Variants in PAK1 observed in about 807,000 individuals in gnomAD.
PAK1 encodes p21 (RAC1) activated kinase 1, also known as serine/threonine-protein kinase PAK 1.
In PAK1, 29 loss-of-function variants were observed where a neutral mutation model predicts 67.4. The ratio of observed to expected loss-of-function variants is 0.43; its 90% CI spans 0.32 to 0.59. PAK1 has a LOEUF of 0.59. Ranked by LOEUF, PAK1 falls within the 20% of genes least tolerant of loss-of-function variation. PAK1 has a pLI of 0.07. For synonymous variants in PAK1, 223 were observed against 237.4 expected (o/e 0.94, Z 0.56); for missense variants, 337 against 670.7 (o/e 0.50, Z 5.50).
At chr11:77,432,547 A>C (rs1050862612) in intron 1 of PAK1, among the ~76,000 whole-genome samples, 2 of 152,222 alleles carry the variant, frequency 1.3e-5, no homozygotes, top group African/African-American at 4.8e-5. Flanking sequence ...AGTCTCAGCT[A>C]ATCAGGAGGC....
chr11:77,527,235 T>C, the PAK1 span, among the ~76,000 whole-genome samples: 8 of 152,070 alleles, frequency 5.3e-5, no homozygotes, highest in Non-Finnish European at 1.0e-4. Context: ...CCTGAGTAGC[T>C]GGGATGACAG....
chr11:77,481,890 A>G, the PAK1 span, among the ~76,000 whole-genome samples: 3 of 152,156 alleles, frequency 2.0e-5, no homozygotes, highest in Admixed American at 1.3e-4. Context: ...AGCTTGGAAC[A>G]GTGCTGTACT....
Position 77,332,862 on chromosome 11 carries a change from CA to C in PAK1, c.1418del (p.Leu473CysfsTer26). ...GGGTCCCATTGGTGGCAATGAGGTA[CA>C]AGGCCTGGCAATAAAAATGGTGAAT... is the stretch of plus-strand genomic sequence containing the variant. ...PYLNENPLRA[L>X]YLIATNGTPE... is the part of the protein sequence containing the mutation. On this transcript the variant is annotated frameshift_variant, in exon 14 of 15. Coordinates refer to ENST00000356341, the MANE Select transcript of PAK1 (RefSeq NM_002576.5). LOFTEE classifies it high-confidence loss of function. 6.2e-7 allele frequency: 1 copy of C among 1,613,676 alleles called. No homozygotes were observed. The highest frequency in any genetic ancestry group is 8.5e-7 in the Non-Finnish European group (1 of 1,179,600).
chr11:77,415,741 C>T (rs1313141037), intron 1 of PAK1, among the ~76,000 whole-genome samples: 2 of 152,072 alleles, frequency 1.3e-5, no homozygotes, highest in Non-Finnish European at 2.9e-5. Flanking sequence ...TAGTATTGTA[C>T]ACTACTGTAG....
intron 1 of PAK1, among the ~76,000 whole-genome samples, chr11:77,441,818 T>G (rs1288272259): frequency 1.3e-5 from 2 of 152,224 alleles, no homozygotes; most frequent in African/African-American, 2.4e-5. Context: ...ATGCACAGTT[T>G]CATCAGCTAA....
At chr11:77,340,863 G>A (rs781182740) in intron 10 of PAK1, 100 bp from the exon 11 acceptor site, 76 of 744,378 alleles carry the variant, frequency 1.0e-4, no homozygotes, top group Non-Finnish European at 1.6e-4. Flanking sequence ...GTGAAACTAC[G>A]TCTTAGCACA....
intron 14 of PAK1, among the ~76,000 whole-genome samples, chr11:77,328,287 A>C (rs538982700): frequency 6.6e-6 from 1 of 152,342 alleles, no homozygotes; most frequent in African/African-American, 2.4e-5. Context: ...AAGAGGACCT[A>C]ATAGACATCT....
intron 5 of PAK1, among the ~76,000 whole-genome samples, chr11:77,361,819 A>T (rs746909471): frequency 9.2e-5 from 14 of 152,144 alleles, no homozygotes; most frequent in Non-Finnish European, 1.5e-4. Flanking sequence ...ATGTTGTATG[A>T]ATAGCACTTT....
the PAK1 span, among the ~76,000 whole-genome samples, chr11:77,513,302 A>G: frequency 2.0e-4 from 30 of 152,322 alleles, no homozygotes; most frequent in African/African-American, 7.2e-4. Context: ...GAGGAAGTAT[A>G]CAGGTATATC....
intron 5 of PAK1, among the ~76,000 whole-genome samples, chr11:77,360,183 G>A (rs1404100708): frequency 6.6e-6 from 1 of 152,140 alleles, no homozygotes; most frequent in Admixed American, 6.6e-5. Flanking sequence ...GTGGGAGACT[G>A]TCTTTTACCA....
chr11:77,410,816 T>C (rs1193745656), intron 1 of PAK1, among the ~76,000 whole-genome samples: 1 of 152,000 alleles, frequency 6.6e-6, no homozygotes, highest in South Asian at 2.1e-4. Flanking sequence ...AGTAGGTTAT[T>C]ATCGGGCCTG....
chr11:77,474,604 G>C (rs557046432), upstream of PAK1: 2 of 152,226 alleles, frequency 1.3e-5, no homozygotes, highest in African/African-American at 4.8e-5. Flanking sequence ...TCGTTGTCAA[G>C]GGCTGAATTT....
In PAK1 at chr11:77,355,683, T is replaced by C; in HGVS notation, c.757A>G (p.Ile253Val). The C allele has an allele frequency of 6.2e-7, 1 of 1,613,066 alleles. No homozygotes were observed. ...KKKPKMSDEE[I>V]LEKLRSIVSV... is the part of the protein sequence containing the mutation. ...AATTCCTTACGTAATTTCTCCAAGATCTCCTCATCAGACATTTTAGGCTTC... is the reference window on the plus strand; with the variant it reads ...AATTCCTTACGTAATTTCTCCAAGACCTCCTCATCAGACATTTTAGGCTTC... Residue 253 changes from isoleucine to valine, a missense_variant, in exon 7 of 15, where the codon ATC (isoleucine) becomes GTC (valine). Ile to Val is a conservative substitution (Grantham distance 29). This residue lies in a region of PAK1 where 150 missense variants were observed against 179.0 expected (regional missense o/e 0.84). Coordinates refer to ENST00000356341, the MANE Select transcript of PAK1 (RefSeq NM_002576.5).
At chr11:77,408,569 A>ACACT (rs1954006526) in intron 1 of PAK1, among the ~76,000 whole-genome samples, 1 of 149,166 alleles carries the variant, frequency 6.7e-6, no homozygotes, top group South Asian at 2.1e-4. Context: ...ACACACACAC[A>ACACT]CTCCACATTC....
At chr11:77,397,933 T>A in intron 1 of PAK1, among the ~76,000 whole-genome samples, 1 of 152,244 alleles carries the variant, frequency 6.6e-6, no homozygotes, top group East Asian at 1.9e-4. Context: ...ATAGAAATTT[T>A]ACTTATCCTT....
At chr11:77,467,795 T>C (rs891674674) in intron 1 of PAK1, among the ~76,000 whole-genome samples, 1 of 152,258 alleles carries the variant, frequency 6.6e-6, no homozygotes, top group African/African-American at 2.4e-5. Context: ...AGGTATTATT[T>C]CTTTCAAATG....
the PAK1 span, among the ~76,000 whole-genome samples, chr11:77,516,168 G>A: frequency 6.6e-6 from 1 of 152,214 alleles, no homozygotes; most frequent in Non-Finnish European, 1.5e-5. Flanking sequence ...GACTTAATGT[G>A]TTAAGGCAGA....
At position 77,333,369 on chromosome 11, in the gene PAK1, C is replaced by T. The variant is rs138736720; in HGVS notation, c.1414-502G>A. ...CCAGCCACTACACCCGACTGCTTTT[C>T]GTATTTTCAGTAGAGACGGGGTTTT... On this transcript the variant is annotated intron_variant, in intron 13 of 14. Coordinates refer to ENST00000356341, the MANE Select transcript of PAK1 (RefSeq NM_002576.5). Among the ~76,000 whole-genome samples, 28 of 151,980 alleles carry T rather than the reference C, an allele frequency of 1.8e-4. No individual in the cohort carries two copies. The East Asian group carries it at 4.6e-3, about 25-fold the overall frequency.
the PAK1 span, among the ~76,000 whole-genome samples, chr11:77,516,607 G>A: frequency 6.6e-6 from 1 of 152,060 alleles, no homozygotes; most frequent in Non-Finnish European, 1.5e-5. Flanking sequence ...TCTCCAGGGT[G>A]GTCAAGTGAC....
Sources: allele counts gnomAD v4.1 joint callset (sites outside exome capture counted in the v4.1 genomes callset), GRCh38; gene constraint gnomAD v4.1.1; regional missense constraint gnomAD v4.1.1; transcripts MANE v1.5; gene names NCBI Gene and HGNC (gene_info 2026-07-23, HGNC 2026-07-21).